FBXW10B: variants seen among roughly 807,000 people sequenced by gnomAD.
FBXW10B encodes F-box and WD repeat domain containing 10B.
chr17:15,613,783 G>A, the FBXW10B span: 1 of 1,612,660 alleles, frequency 6.2e-7, no homozygotes, highest in South Asian at 1.1e-5. Context: ...CCCCAGAACT[G>A]GGCCAAGAGG....
At chr17:15,616,237 C>T in the FBXW10B span, among the ~76,000 whole-genome samples, 11 of 151,870 alleles carry the variant, frequency 7.2e-5, no homozygotes, top group Non-Finnish European at 1.3e-4. Context: ...TGCAATGGCT[C>T]GGTCTTGGCT....
the FBXW10B span, among the ~76,000 whole-genome samples, chr17:15,587,664 C>G: frequency 6.6e-6 from 1 of 152,046 alleles, no homozygotes; most frequent in Admixed American, 6.5e-5. Flanking sequence ...CCTAGAAGGG[C>G]CCTCTCATAG....
At chr17:15,618,096 G>T in the FBXW10B span, among the ~76,000 whole-genome samples, 1 of 152,156 alleles carries the variant, frequency 6.6e-6, no homozygotes, top group Non-Finnish European at 1.5e-5. Context: ...TTGGGAGGCC[G>T]AGGCAGGCGG....
At chr17:15,603,595 G>T in the FBXW10B span, among the ~76,000 whole-genome samples, 6 of 152,036 alleles carry the variant, frequency 3.9e-5, no homozygotes, top group Non-Finnish European at 7.3e-5. Context: ...GAATATATAA[G>T]AAGAGATATT....
At chr17:15,584,299 T>C in the FBXW10B span, among the ~76,000 whole-genome samples, 1 of 152,210 alleles carries the variant, frequency 6.6e-6, no homozygotes, top group South Asian at 2.1e-4. Context: ...GCAAAAAATA[T>C]ATTTAATAGC....
the FBXW10B span, chr17:15,574,148 T>C: frequency 4.0e-6 from 3 of 751,314 alleles, no homozygotes; most frequent in East Asian, 7.3e-5. Context: ...TCCTTGAGAG[T>C]GTGCCAAGCA....
the FBXW10B span, among the ~76,000 whole-genome samples, chr17:15,569,487 G>A: frequency 2.2e-5 from 2 of 89,680 alleles, no homozygotes; most frequent in East Asian, 6.8e-4. Flanking sequence ...TTTTGAGACA[G>A]GTCTTGCTCT....
the FBXW10B span, among the ~76,000 whole-genome samples, chr17:15,584,189 G>C: frequency 6.6e-6 from 1 of 152,210 alleles, no homozygotes; most frequent in Middle Eastern, 3.4e-3. Context: ...TTTAAAAATG[G>C]AAAAAGACTG....
the FBXW10B span, chr17:15,588,896 G>C: frequency 5.6e-6 from 9 of 1,614,064 alleles, no homozygotes; most frequent in Non-Finnish European, 6.8e-6. Flanking sequence ...GCTGTTCCAG[G>C]AGTTGCCATT....
At chr17:15,609,838 CTCTT>C in the FBXW10B span, among the ~76,000 whole-genome samples, 151 of 133,926 alleles carry the variant, frequency 1.1e-3, 1 homozygote, top group East Asian at 0.017. Context: ...CCTTTTCTCT[CTCTT>C]TCTTTCTTTC....
chr17:15,605,397 T>G, the FBXW10B span: 1 of 1,565,632 alleles, frequency 6.4e-7, no homozygotes, highest in Non-Finnish European at 8.7e-7. Context: ...TCCCCCGGAA[T>G]AGTGGATGAC....
chr17:15,619,385 T>G, the FBXW10B span: 2 of 1,613,700 alleles, frequency 1.2e-6, no homozygotes, highest in Admixed American at 3.3e-5. Flanking sequence ...GCAGAACCAC[T>G]CTTTGGTAGA....
chr17:15,598,624 G>A, the FBXW10B span: 11 of 1,612,928 alleles, frequency 6.8e-6, no homozygotes, highest in Non-Finnish European at 9.3e-6. Flanking sequence ...GAAGATTCGT[G>A]TGCAAACCCC....
At chr17:15,591,027 G>A in the FBXW10B span, among the ~76,000 whole-genome samples, 1 of 152,062 alleles carries the variant, frequency 6.6e-6, no homozygotes, top group East Asian at 1.9e-4. Flanking sequence ...TTCAGTCCCA[G>A]GCCATGGAGA....
the FBXW10B span, among the ~76,000 whole-genome samples, chr17:15,580,857 A>G: frequency 6.6e-6 from 1 of 152,080 alleles, no homozygotes; most frequent in East Asian, 1.9e-4. Flanking sequence ...TGAACAAGTC[A>G]ACACTATGTG....
the FBXW10B span, chr17:15,613,001 G>C: frequency 1.9e-5 from 6 of 310,474 alleles, no homozygotes; most frequent in Admixed American, 3.2e-4. Flanking sequence ...AGATCGAATG[G>C]AGGAGAAAAA....
chr17:15,610,893 A>G, the FBXW10B span, among the ~76,000 whole-genome samples: 1 of 152,068 alleles, frequency 6.6e-6, no homozygotes, highest in Non-Finnish European at 1.5e-5. Context: ...TCAAATGAAT[A>G]CCTCTTTCAC....
the FBXW10B span, among the ~76,000 whole-genome samples, chr17:15,597,607 T>C: frequency 6.6e-6 from 1 of 151,776 alleles, no homozygotes; most frequent in Admixed American, 6.6e-5. Context: ...CACTCCAACC[T>C]GGCCACAGAG....
At chr17:15,595,898 C>T in the FBXW10B span, among the ~76,000 whole-genome samples, 63 of 150,364 alleles carry the variant, frequency 4.2e-4, no homozygotes, top group South Asian at 1.7e-3. Flanking sequence ...TCCCCTCACC[C>T]CATGCCAGAA....
Sources: allele counts gnomAD v4.1 joint callset (sites outside exome capture counted in the v4.1 genomes callset), GRCh38; gene constraint gnomAD v4.1.1; transcripts MANE v1.5; gene names NCBI Gene and HGNC (gene_info 2026-07-23, HGNC 2026-07-21).